The following DLG2 variants were observed in gnomAD, a reference collection of about 807,000 sequenced individuals.
DLG2 encodes the protein disks large homolog 2.
In DLG2, 45 loss-of-function variants were observed where a neutral mutation model predicts 132.5. That is an observed-to-expected ratio of 0.34 (90% CI 0.27 to 0.44). The LOEUF is 0.44. DLG2 is among the 20% of genes least tolerant of loss of function. The probability of loss-of-function intolerance (pLI) is 1.00; values close to 1 mark genes in which losing one functional copy is unlikely to be tolerated. For synonymous variants in DLG2, 424 were observed against 419.6 expected, an observed-to-expected ratio of 1.01 and a Z score of -0.13; for missense variants, 1,045 against 1,196.9, an observed-to-expected ratio of 0.87 and a Z score of 1.87.
At chr11:84,509,652 G>A (rs2099251700) in intron 7 of DLG2, among the ~76,000 whole-genome samples, 1 of 152,012 alleles carries the variant, frequency 6.6e-6, no homozygotes, top group South Asian at 2.1e-4. Flanking sequence ...CAAAGAATTT[G>A]AAAATAAAAA....
intron 22 of DLG2, chr11:83,480,764 G>A: frequency 1.4e-6 from 1 of 725,542 alleles, no homozygotes; most frequent in Non-Finnish European, 2.3e-6. Context: ...TGTCTTGACT[G>A]AGTGTTTTCT....
rs140716198 is a variant in DLG2, at chr11:83,945,216, T to C, written c.1341-14733A>G. Among the ~76,000 whole-genome samples the C allele has an allele frequency of 1.6e-4, 25 of 152,294 alleles. No individual in the cohort carries two copies. The East Asian group carries it at 4.8e-3, about 29-fold the overall frequency. ...GCTTGAACTCGGGAGGCAGAGATTG[T>C]AGTGACCCAAGACTTCATCATTGCG... On this transcript the variant is annotated intron_variant, in intron 14 of 27. Coordinates refer to ENST00000376104, the MANE Select transcript of DLG2 (RefSeq NM_001142699.3).
intron 6 of DLG2, among the ~76,000 whole-genome samples, chr11:84,863,014 C>T (rs1473440626): frequency 6.6e-6 from 1 of 151,928 alleles, no homozygotes; most frequent in African/African-American, 2.4e-5. Context: ...TCTCTCCCAC[C>T]AACTCTGCTT....
intron 10 of DLG2, among the ~76,000 whole-genome samples, chr11:84,063,493 A>G (rs1157029574): frequency 6.6e-6 from 1 of 151,366 alleles, no homozygotes; most frequent in East Asian, 2.0e-4. Context: ...CTTTGACAAT[A>G]TAATTTAAAG....
chr11:84,010,358 T>A (rs1237982128), intron 11 of DLG2, among the ~76,000 whole-genome samples: 1 of 151,932 alleles, frequency 6.6e-6, no homozygotes, highest in Non-Finnish European at 1.5e-5. Context: ...AGTGGCACAA[T>A]CATAGCTCCC....
rs758561562 is a variant in DLG2, at chr11:83,833,615, G to A, written c.1721C>T (p.Ser574Leu). Residue 574 changes from serine to leucine, a missense_variant and splice_region_variant, in exon 17 of 28, where the codon TCG (serine) becomes TTG (leucine). Transcript: ENST00000376104. ...TAAAGATTAAAGAAACATACTCACC[G>A]ATAGGATCTGGTCTCCTCTCTGGAG... Reference protein sequence around the residue: ...GELQRGDQILSVNGIDLRGAS... With the variant: ...GELQRGDQILLVNGIDLRGAS... 22 of 1,612,402 alleles carry A rather than the reference G, an allele frequency of 1.4e-5. No individual in the cohort carries two copies. Among genetic ancestry groups the A allele is most frequent in the African/African-American group, 5.3e-5 (4 of 74,792 alleles).
chr11:84,424,093 A>G (rs2098959071), intron 7 of DLG2, among the ~76,000 whole-genome samples: 1 of 152,148 alleles, frequency 6.6e-6, no homozygotes, highest in Non-Finnish European at 1.5e-5. Flanking sequence ...TCTTGGGTAG[A>G]TATCAAAGCA....
chr11:83,923,061 T>C (rs1363624720), intron 15 of DLG2, among the ~76,000 whole-genome samples: 1 of 152,074 alleles, frequency 6.6e-6, no homozygotes, highest in African/African-American at 2.4e-5. Flanking sequence ...GTGACATTGA[T>C]TATGATGACA....
At chr11:84,737,917 G>T (rs1392774447) in intron 6 of DLG2, among the ~76,000 whole-genome samples, 1 of 152,024 alleles carries the variant, frequency 6.6e-6, no homozygotes, top group Admixed American at 6.6e-5. Flanking sequence ...ATACTAAAAA[G>T]TAATATAGTG....
chr11:83,668,963 T>C (rs2076353485), intron 18 of DLG2, among the ~76,000 whole-genome samples: 1 of 151,706 alleles, frequency 6.6e-6, no homozygotes, highest in Non-Finnish European at 1.5e-5. Flanking sequence ...CAGAAGGCAA[T>C]ACATGTTTGC....
At chr11:84,645,595 G>A (rs927954521) in intron 6 of DLG2, among the ~76,000 whole-genome samples, 6 of 152,152 alleles carry the variant, frequency 3.9e-5, no homozygotes, top group Non-Finnish European at 5.9e-5. Flanking sequence ...AGCCTCCTGA[G>A]TAGCTGGGAC....
rs527358643 is a variant in DLG2, at chr11:84,166,992, C to T, written c.574-3481G>A. On this transcript the variant is annotated intron_variant, in intron 8 of 27. Transcript: ENST00000376104. ...TTTATGCTACTGATAGTTTGGGGCCCGGAGAGCTTCACAGTTGGGGTTTCT... is the reference window on the plus strand; with the variant it reads ...TTTATGCTACTGATAGTTTGGGGCCTGGAGAGCTTCACAGTTGGGGTTTCT... 1.4e-4 allele frequency: 73 copies of T among 533,266 alleles called. 1 individual carries two copies. Among genetic ancestry groups the T allele is most frequent in the South Asian group, 7.0e-4 (50 of 71,588 alleles). The allele number at this position is 533,266 out of a possible 1,614,324, so 33.0% of individuals were successfully genotyped here.
intron 9 of DLG2, among the ~76,000 whole-genome samples, chr11:84,127,464 T>C (rs1207865447): frequency 6.6e-6 from 1 of 152,194 alleles, no homozygotes; most frequent in Non-Finnish European, 1.5e-5. Flanking sequence ...GAAATCAAGG[T>C]AGTGGCAAGG....
chr11:84,108,831 T>C lies in DLG2; in HGVS notation c.625-9784A>G, dbSNP rs143479331. On this transcript the variant is annotated intron_variant, in intron 9 of 27. Transcript: ENST00000376104. The stretch of plus-strand genomic sequence containing the variant: ...GTCCAGGTCAGAAATTGATGGCATC[T>C]GAACTAGGCTGATAGCAATGGGGAT... Among the ~76,000 whole-genome samples, 360 of 152,198 alleles carry C rather than the reference T, an allele frequency of 2.4e-3. 2 individuals are homozygous for C. The highest frequency in any genetic ancestry group is 8.1e-3 in the African/African-American group (338 of 41,538).
At chr11:84,758,929 G>C (rs2067239556) in intron 6 of DLG2, among the ~76,000 whole-genome samples, 1 of 152,152 alleles carries the variant, frequency 6.6e-6, no homozygotes, top group African/African-American at 2.4e-5. Context: ...CCAGGCTGGA[G>C]TGCAGTGGTG....
intron 4 of DLG2, among the ~76,000 whole-genome samples, chr11:85,225,382 A>G (rs149188790): frequency 3.2e-4 from 49 of 152,182 alleles, no homozygotes; most frequent in Non-Finnish European, 6.0e-4. Context: ...TGGTCAAGAA[A>G]ATAGAGGTCA....
chr11:83,543,388 C>G (rs2096139579), intron 19 of DLG2, among the ~76,000 whole-genome samples: 1 of 152,142 alleles, frequency 6.6e-6, no homozygotes. Flanking sequence ...TAACAACATT[C>G]ACCTAGATTT....
intron 3 of DLG2, among the ~76,000 whole-genome samples, chr11:85,421,795 C>T (rs117565351): frequency 0.028 from 4,279 of 152,058 alleles, 106 homozygotes; most frequent in East Asian, 0.096. Flanking sequence ...GAGATTTAGG[C>T]TTTAAACAGT....
At chr11:83,996,173 G>C (rs1216964605) in intron 11 of DLG2, among the ~76,000 whole-genome samples, 1 of 152,058 alleles carries the variant, frequency 6.6e-6, no homozygotes, top group Non-Finnish European at 1.5e-5. Context: ...TATCTGAATG[G>C]ACATTTCTTA....
Sources: allele counts gnomAD v4.1 joint callset (sites outside exome capture counted in the v4.1 genomes callset), GRCh38; gene constraint gnomAD v4.1.1; transcripts MANE v1.5; gene names NCBI Gene and HGNC (gene_info 2026-07-23, HGNC 2026-07-21).